PTPRD: variants seen among roughly 807,000 people sequenced by gnomAD.
PTPRD encodes the protein receptor-type tyrosine-protein phosphatase delta.
In PTPRD, 34 loss-of-function variants were observed where a neutral mutation model predicts 214.5. That is an observed-to-expected ratio of 0.16 (90% CI 0.12 to 0.21). The LOEUF (loss-of-function observed/expected upper bound fraction) is 0.21, where lower values mean the gene tolerates loss of function less well. PTPRD is among the 10% of genes least tolerant of loss of function. The probability of loss-of-function intolerance (pLI) is 1.00; values close to 1 mark genes in which losing one functional copy is unlikely to be tolerated. For missense variants in PTPRD, 2,545 were observed against 2,398.7 expected (o/e 1.06, Z -1.27); for synonymous variants, 1,128 against 845.7 (o/e 1.33, Z -5.79).
chr9:10,348,217 CT>C (rs1303326680), intron 2 of PTPRD, among the ~76,000 whole-genome samples: 2 of 152,094 alleles, frequency 1.3e-5, no homozygotes, highest in African/African-American at 2.4e-5. Flanking sequence ...CGTAGGATTA[CT>C]TTTTTTAAGG....
chr9:10,518,669 A>C (rs933830734), intron 2 of PTPRD, among the ~76,000 whole-genome samples: 39 of 151,956 alleles, frequency 2.6e-4, no homozygotes, highest in Admixed American at 1.2e-3. Flanking sequence ...AGTAGCTGGG[A>C]CTACAGGCGC....
At chr9:10,518,272 C>T (rs867212095) in intron 2 of PTPRD, among the ~76,000 whole-genome samples, 4 of 152,090 alleles carry the variant, frequency 2.6e-5, no homozygotes, top group Non-Finnish European at 5.9e-5. Context: ...TCATGAAGAA[C>T]ATTTCATTAG....
At chr9:8,456,315 C>T (rs939836889) in intron 33 of PTPRD, among the ~76,000 whole-genome samples, 7 of 152,010 alleles carry the variant, frequency 4.6e-5, no homozygotes, top group Non-Finnish European at 1.0e-4. Context: ...CCTAAAGCAG[C>T]CCGAACTGCT....
At chr9:9,933,892 T>C (rs1020300810) in intron 5 of PTPRD, among the ~76,000 whole-genome samples, 19 of 147,954 alleles carry the variant, frequency 1.3e-4, no homozygotes, top group Non-Finnish European at 2.5e-4. Context: ...CAGACCACAG[T>C]GCAATCAAAC....
intron 7 of PTPRD, among the ~76,000 whole-genome samples, chr9:9,588,948 G>A (rs1025171491): frequency 1.3e-5 from 2 of 151,820 alleles, no homozygotes; most frequent in African/African-American, 2.4e-5. Flanking sequence ...ATTAGAACTT[G>A]TAATATTATA....
intron 7 of PTPRD, among the ~76,000 whole-genome samples, chr9:9,584,195 C>T (rs980938793): frequency 1.3e-5 from 2 of 151,844 alleles, no homozygotes; most frequent in African/African-American, 4.8e-5. Context: ...TTGTTTATCT[C>T]AGAAATAGTT....
At chr9:10,592,786 G>A (rs1473087225) in intron 2 of PTPRD, among the ~76,000 whole-genome samples, 1 of 151,912 alleles carries the variant, frequency 6.6e-6, no homozygotes, top group African/African-American at 2.4e-5. Context: ...CAATAAGCAG[G>A]AGTCTAAAAG....
At chr9:10,231,989 A>AGAGAGT (rs1245284728) in intron 3 of PTPRD, among the ~76,000 whole-genome samples, 19 of 92,492 alleles carry the variant, frequency 2.1e-4, no homozygotes, top group East Asian at 6.7e-4. Flanking sequence ...AGAGAGAGAG[A>AGAGAGT]GTGTGTGTGT....
At chr9:10,061,989 C>G (rs1461372292) in intron 3 of PTPRD, among the ~76,000 whole-genome samples, 2 of 151,880 alleles carry the variant, frequency 1.3e-5, no homozygotes, top group Non-Finnish European at 2.9e-5. Flanking sequence ...CTTAACAAGC[C>G]CTCCAGGGGA....
chr9:9,802,267 G>C (rs149903054), intron 5 of PTPRD, among the ~76,000 whole-genome samples: 1 of 151,880 alleles, frequency 6.6e-6, no homozygotes, highest in Non-Finnish European at 1.5e-5. Flanking sequence ...TGGGTTGATA[G>C]GAATCCTGTT....
chr9:9,610,234 C>G (rs150410102), intron 7 of PTPRD, among the ~76,000 whole-genome samples: 1 of 152,092 alleles, frequency 6.6e-6, no homozygotes, highest in African/African-American at 2.4e-5. Context: ...CCACTCAGTC[C>G]TTGAACAACT....
At position 10,029,042 on chromosome 9, in the gene PTPRD, G is replaced by A. The variant is rs573356234; in HGVS notation, c.-472+4676C>T. ...CAGCTGCTCCAGTTGTGGCTGAAAG[G>A]GGCCAACATAGAGCTCAGGCCATGG... On this transcript the variant is annotated intron_variant, in intron 4 of 45. Coordinates refer to ENST00000381196, the MANE Select transcript of PTPRD (RefSeq NM_002839.4). 9.2e-4 allele frequency among the ~76,000 whole-genome samples: 140 copies of A among 152,284 alleles called. 1 individual carries two copies. Among genetic ancestry groups the A allele is most frequent in the African/African-American group, 3.4e-3 (140 of 41,556 alleles).
chr9:8,402,693 A>T (rs1347965385), intron 36 of PTPRD, among the ~76,000 whole-genome samples: 1 of 151,500 alleles, frequency 6.6e-6, no homozygotes, highest in Non-Finnish European at 1.5e-5. Flanking sequence ...ACCCCCCACA[A>T]AAAAACCTGT....
chr9:9,570,444 G>A (rs938992845), intron 8 of PTPRD, among the ~76,000 whole-genome samples: 1 of 151,370 alleles, frequency 6.6e-6, no homozygotes, highest in African/African-American at 2.4e-5. Flanking sequence ...CTCTATATGT[G>A]GTTTGTGTTT....
intron 8 of PTPRD, among the ~76,000 whole-genome samples, chr9:9,547,054 G>C (rs148621977): frequency 3.2e-4 from 49 of 152,028 alleles, no homozygotes; most frequent in African/African-American, 1.2e-3. Context: ...GGGTTCTCAT[G>C]CTTGTATGCT....
At chr9:10,592,442 A>G (rs1209167861) in intron 2 of PTPRD, among the ~76,000 whole-genome samples, 1 of 152,018 alleles carries the variant, frequency 6.6e-6, no homozygotes, top group African/African-American at 2.4e-5. Context: ...TGGGGAGAAG[A>G]TATTGAAGGA....
At chr9:10,252,903 C>T (rs1395215536) in intron 3 of PTPRD, among the ~76,000 whole-genome samples, 1 of 152,026 alleles carries the variant, frequency 6.6e-6, no homozygotes, top group African/African-American at 2.4e-5. Context: ...TCTGCCTCAG[C>T]CTCCCGAGTA....
chr9:8,470,297 C>T (rs996515288), intron 31 of PTPRD, among the ~76,000 whole-genome samples: 4 of 152,090 alleles, frequency 2.6e-5, no homozygotes, highest in African/African-American at 9.7e-5. Flanking sequence ...GTAATTATGT[C>T]TTGTTCTTCA....
At chr9:8,383,900 G>A (rs56112721) in intron 37 of PTPRD, among the ~76,000 whole-genome samples, 3,956 of 152,232 alleles carry the variant, frequency 0.026, 168 homozygotes, top group African/African-American at 0.09. Context: ...CCCTGACTAA[G>A]CCTTTCAACT....
Sources: gnomAD v4.1 joint callset for allele counts (sites outside exome capture counted in the v4.1 genomes callset) on GRCh38, gnomAD v4.1.1 for gene constraint, MANE v1.5 for transcripts, NCBI Gene and HGNC (gene_info 2026-07-23, HGNC 2026-07-21) for gene names.